The following GOLM2 variants were observed in gnomAD, a reference collection of about 807,000 sequenced individuals.
GOLM2 encodes the protein golgi membrane protein 2.
A neutral mutation model predicts 55.9 loss-of-function variants in GOLM2; 26 were observed. The observed-to-expected ratio is 0.47, with a 90% CI of 0.34 to 0.65. The LOEUF is 0.65. Ranked by LOEUF, GOLM2 falls within the 30% of genes least tolerant of loss-of-function variation. GOLM2 has a pLI of 0.01. For missense variants in GOLM2, 486 were observed against 531.8 expected (o/e 0.91, Z 0.85); for synonymous variants, 165 against 194.6 (o/e 0.85, Z 1.27).
In GOLM2 at chr15:44,326,859, C is replaced by T. The variant is rs563924988; in HGVS notation, c.383-1826C>T. Among the ~76,000 whole-genome samples the T allele has an allele frequency of 7.9e-5, 12 of 151,012 alleles. No homozygotes were observed. In the South Asian group the frequency reaches 1.5e-3, roughly 18 times the overall value. ...TGGAGATGGGATTTCAGCTTGTTGGCGAGGCTGGTCTCGAACTCCTGGCCT... is the reference window on the plus strand; with the variant it reads ...TGGAGATGGGATTTCAGCTTGTTGGTGAGGCTGGTCTCGAACTCCTGGCCT... On this transcript the variant is annotated intron_variant, in intron 2 of 9. Transcript: ENST00000299957.
intron 6 of GOLM2, among the ~76,000 whole-genome samples, chr15:44,354,366 G>A (rs1174336937): frequency 6.6e-6 from 1 of 151,430 alleles, no homozygotes; most frequent in East Asian, 1.9e-4. Context: ...AAGTTAATGG[G>A]TGCAGCACAC....
intron 6 of GOLM2, among the ~76,000 whole-genome samples, chr15:44,362,455 G>A (rs1177977597): frequency 6.6e-6 from 1 of 150,436 alleles, no homozygotes; most frequent in Non-Finnish European, 1.5e-5. Flanking sequence ...GCTTCAAAGA[G>A]AATAAAATAC....
intron 1 of GOLM2, among the ~76,000 whole-genome samples, chr15:44,311,761 T>C (rs887176159): frequency 6.6e-6 from 1 of 152,108 alleles, no homozygotes; most frequent in Non-Finnish European, 1.5e-5. Flanking sequence ...GCGATTCTCC[T>C]GCCTCAGCCT....
At chr15:44,331,411 T>C (rs562706795) in intron 3 of GOLM2, among the ~76,000 whole-genome samples, 1 of 152,358 alleles carries the variant, frequency 6.6e-6, no homozygotes, top group South Asian at 2.1e-4. Context: ...TTGGTGTATG[T>C]GTATCCTTTG....
chr15:44,410,580 T>C (rs2079631579), intron 9 of GOLM2, among the ~76,000 whole-genome samples: 1 of 151,994 alleles, frequency 6.6e-6, no homozygotes, highest in Non-Finnish European at 1.5e-5. Flanking sequence ...GATTATACTA[T>C]TTAAAGATAG....
At position 44,391,945 on chromosome 15, in the gene GOLM2, G is replaced by A. The variant is rs1235419748; in HGVS notation, c.1073-10942G>A. On this transcript the variant is annotated intron_variant, in intron 8 of 9. Transcript: ENST00000299957. The stretch of plus-strand genomic sequence containing the variant: ...AGCTCACCGCAACCTCTGCCTCCCA[G>A]GTTCAAGCTATTCTCCTGCCTCAGC... 3.3e-5 allele frequency among the ~76,000 whole-genome samples: 5 copies of A among 152,198 alleles called. No individual in the cohort carries two copies. In the East Asian group the frequency reaches 9.7e-4, roughly 29 times the overall value.
intron 8 of GOLM2, among the ~76,000 whole-genome samples, chr15:44,389,545 A>C (rs1294831629): frequency 6.6e-6 from 1 of 152,196 alleles, no homozygotes; most frequent in African/African-American, 2.4e-5. Context: ...TAAATAAGTA[A>C]ATAAAAAATA....
intron 1 of GOLM2, among the ~76,000 whole-genome samples, chr15:44,305,963 C>G (rs2078834061): frequency 6.6e-6 from 1 of 152,064 alleles, no homozygotes; most frequent in Admixed American, 6.6e-5. Flanking sequence ...CTTTGTTGTT[C>G]CATTTATAGA....
At chr15:44,337,582 C>T (rs1194369367) in intron 4 of GOLM2, among the ~76,000 whole-genome samples, 181 bp from the exon 5 acceptor site, 3 of 152,154 alleles carry the variant, frequency 2.0e-5, no homozygotes, top group Middle Eastern at 3.4e-3. Flanking sequence ...TATTCTTTGA[C>T]TTTTTATCAG....
Position 44,289,025 on chromosome 15 carries a change from G to A in GOLM2, c.-5G>A. 6.2e-7 allele frequency: 1 copy of A among 1,611,414 alleles called. No individual in the cohort carries two copies. The highest frequency in any genetic ancestry group is 8.5e-7 in the Non-Finnish European group (1 of 1,178,548). ...GGCCCCTAGGGTACAGCCCGATTTG[G>A]CCCCATGGTGGGTTTCGGGGCCAAC... On this transcript the variant is annotated 5_prime_UTR_variant, in exon 1 of 10. Transcript: ENST00000299957. The surrounding 1 kb of genome is among the most constrained non-coding windows in gnomAD (Gnocchi z 4.8).
In GOLM2 at chr15:44,363,388, T is replaced by C. The variant is rs560598422; in HGVS notation, c.803-16302T>C. On this transcript the variant is annotated intron_variant, in intron 6 of 9. Coordinates refer to ENST00000299957, the MANE Select transcript of GOLM2 (RefSeq NM_138423.4). Reference sequence around the variant, plus strand: ...CCCATCAAAAAGTGGGCGAAGGACATGAACAGACACTTCTCAAAAGAAGCC... The same window carrying C: ...CCCATCAAAAAGTGGGCGAAGGACACGAACAGACACTTCTCAAAAGAAGCC... Among the ~76,000 whole-genome samples, 16 of 152,228 alleles carry C rather than the reference T, an allele frequency of 1.1e-4. No homozygotes were observed. In the South Asian group the frequency reaches 3.3e-3, roughly 32 times the overall value.
intron 6 of GOLM2, among the ~76,000 whole-genome samples, chr15:44,363,992 A>C (rs954117886): frequency 3.3e-5 from 5 of 151,412 alleles, no homozygotes; most frequent in Non-Finnish European, 5.9e-5. Flanking sequence ...GAATTGAACA[A>C]TGAGAACACA....
intron 1 of GOLM2, among the ~76,000 whole-genome samples, chr15:44,322,758 C>T (rs2078959356): frequency 6.6e-6 from 1 of 152,060 alleles, no homozygotes; most frequent in African/African-American, 2.4e-5. Flanking sequence ...CATTGTTTAT[C>T]AATTGAAATG....
intron 2 of GOLM2, among the ~76,000 whole-genome samples, chr15:44,324,453 AATT>A (rs963180349): frequency 6.6e-6 from 1 of 152,158 alleles, no homozygotes; most frequent in African/African-American, 2.4e-5. Context: ...AAAAATTTAA[AATT>A]GAAATTCAAT....
intron 6 of GOLM2, among the ~76,000 whole-genome samples, chr15:44,344,287 GTATA>G (rs143483392): frequency 0.074 from 10,233 of 138,190 alleles, 818 homozygotes; most frequent in African/African-American, 0.2. Context: ...ATATGTGTGT[GTATA>G]TATATATATA....
At chr15:44,353,381 C>T (rs1015705696) in intron 6 of GOLM2, among the ~76,000 whole-genome samples, 1 of 152,108 alleles carries the variant, frequency 6.6e-6, no homozygotes, top group Non-Finnish European at 1.5e-5. Flanking sequence ...CATTCCACTG[C>T]TAGGTATGTA....
Position 44,289,395 on chromosome 15 carries a change from T to C in GOLM2, c.327+39T>C. Reference sequence around the variant, plus strand: ...TTTTCTCTTCAAACCCCATGGTTTCTTTTCTCCCCGGGGTCTGGGGCGGGA... The same window carrying C: ...TTTTCTCTTCAAACCCCATGGTTTCCTTTCTCCCCGGGGTCTGGGGCGGGA... On this transcript the variant is annotated intron_variant, in intron 1 of 9. Transcript: ENST00000299957. This position sits in a 1 kb window ranked among gnomAD's most constrained non-coding sequence, Gnocchi z 4.8. 1 of 1,546,684 alleles carries C rather than the reference T, an allele frequency of 6.5e-7. No homozygotes were observed. The highest frequency in any genetic ancestry group is 2.3e-5 in the East Asian group (1 of 43,048).
At chr15:44,363,762 T>C (rs2079261521) in intron 6 of GOLM2, among the ~76,000 whole-genome samples, 1 of 151,226 alleles carries the variant, frequency 6.6e-6, no homozygotes, top group African/African-American at 2.4e-5. Context: ...ATTGCAGCAC[T>C]ATTCACAATA....
At chr15:44,394,336 T>C (rs1288728367) in intron 8 of GOLM2, among the ~76,000 whole-genome samples, 1 of 152,206 alleles carries the variant, frequency 6.6e-6, no homozygotes, top group Non-Finnish European at 1.5e-5. Flanking sequence ...AGGTGGTTTT[T>C]AGTTGATTTC....
Sources: allele counts gnomAD v4.1 joint callset (sites outside exome capture counted in the v4.1 genomes callset), GRCh38; gene constraint gnomAD v4.1.1; non-coding constraint Gnocchi (gnomAD v3.1); transcripts MANE v1.5; gene names NCBI Gene and HGNC (gene_info 2026-07-23, HGNC 2026-07-21).